Variants in PCBD2 observed in about 807,000 individuals in gnomAD.
PCBD2 encodes pterin-4 alpha-carbinolamine dehydratase 2.
A neutral mutation model predicts 16.4 loss-of-function variants in PCBD2; 12 were observed. The observed-to-expected ratio is 0.73, with a 90% CI of 0.47 to 1.19. The LOEUF (loss-of-function observed/expected upper bound fraction) is 1.19. Among genes scored for constraint, PCBD2 ranks in the 50% most tolerant of loss-of-function variants. PCBD2 has a pLI of 0.00. For synonymous variants in PCBD2, 58 were observed against 61.8 expected (o/e 0.94, Z 0.29); for missense variants, 138 against 156.8 (o/e 0.88, Z 0.64).
At chr5:134,919,494 T>A (rs2149531692) in intron 2 of PCBD2, among the ~76,000 whole-genome samples, 1 of 152,366 alleles carries the variant, frequency 6.6e-6, no homozygotes, top group South Asian at 2.1e-4. Flanking sequence ...ATTTCATTTA[T>A]GTAAATTGCT....
At position 134,962,107 on chromosome 5, in the gene PCBD2, T is replaced by TGTGTGTGTGTG. The variant is rs1561454491; in HGVS notation, c.*1426_*1427insGTGTGTGTGTG. Reference sequence around the variant, plus strand: ...GTGTGTGTGTGTGTGTGTGTGTGTGTTTGACACGGGGTCTCATTCTGTTGC... The same window carrying TGTGTGTGTGTG: ...GTGTGTGTGTGTGTGTGTGTGTGTGTGTGTGTGTGTGTTGACACGGGGTCTCATTCTGTTGC... On this transcript the variant is annotated 3_prime_UTR_variant, in exon 4 of 4. Transcript: ENST00000254908. Among the ~76,000 whole-genome samples the TGTGTGTGTGTG allele has an allele frequency of 4.0e-5, 6 of 150,418 alleles. No homozygotes were observed. Among genetic ancestry groups the TGTGTGTGTGTG allele is most frequent in the Admixed American group, 2.0e-4 (3 of 14,992 alleles).
Position 134,960,676 on chromosome 5 carries a change from G to A in PCBD2, c.388G>A (p.Val130Met). The A allele has an allele frequency of 6.2e-7, 1 of 1,607,922 alleles. No individual in the cohort carries two copies. Among genetic ancestry groups the A allele is most frequent in the South Asian group, 1.1e-5 (1 of 90,824 alleles). The change falls in exon 4 of 4, where the codon GTG becomes ATG. Residue 130 changes from valine (V) to methionine (M), a missense_variant. Coordinates refer to ENST00000254908, the MANE Select transcript of PCBD2 (RefSeq NM_032151.5). ...AKFIEKAAASV is the reference protein window; with the variant it reads ...AKFIEKAAASM Reference sequence around the variant, plus strand: ...GTTTATTGAAAAAGCAGCTGCTTCTGTGTGATTTCTTCCAAAATACATGTA... The same window carrying A: ...GTTTATTGAAAAAGCAGCTGCTTCTATGTGATTTCTTCCAAAATACATGTA...
At chr5:134,952,177 T>C (rs1289384514) in intron 2 of PCBD2, among the ~76,000 whole-genome samples, 1 of 151,898 alleles carries the variant, frequency 6.6e-6, no homozygotes, top group Non-Finnish European at 1.5e-5. Context: ...TTTTGTCTTA[T>C]TCTTGACTTT....
At position 134,907,689 on chromosome 5, in the gene PCBD2, C is replaced by G. The variant is rs1264801633; in HGVS notation, c.84+2466C>G. 3.5e-5 allele frequency among the ~76,000 whole-genome samples: 5 copies of G among 141,776 alleles called. No homozygotes were observed. The Admixed American group carries it at 3.6e-4, about 10-fold the overall frequency. 93.0% of individuals were successfully genotyped at this position (141,776 alleles called of 152,430 possible). A position where few individuals can be genotyped will look rare whatever the true frequency, so the allele number is the denominator to read the frequency against. On this transcript the variant is annotated intron_variant, in intron 1 of 3. Transcript: ENST00000254908. ...CCAGGCTGGAGTGCAGTGGCACGATCTCGGCTCACTGCAACCTCTATCATC... is the reference window on the plus strand; with the variant it reads ...CCAGGCTGGAGTGCAGTGGCACGATGTCGGCTCACTGCAACCTCTATCATC...
chr5:134,925,192 C>T (rs1356045593), intron 2 of PCBD2: 1 of 398,300 alleles, frequency 2.5e-6, no homozygotes, highest in Admixed American at 4.4e-5. Flanking sequence ...TATTCGAGTG[C>T]TATAGGCGCT....
intron 2 of PCBD2, among the ~76,000 whole-genome samples, chr5:134,955,348 G>A (rs1001154725): frequency 1.7e-4 from 23 of 137,872 alleles, no homozygotes; most frequent in East Asian, 2.2e-4. Flanking sequence ...TTGCTCTGTC[G>A]TCAGGCTGGA....
intron 2 of PCBD2, chr5:134,924,682 A>T: frequency 2.5e-6 from 1 of 396,502 alleles, no homozygotes; most frequent in Non-Finnish European, 4.5e-6. Context: ...GATGAGTGGG[A>T]AGAAGAAAGA....
At chr5:134,947,755 A>G (rs539671834) in intron 2 of PCBD2, among the ~76,000 whole-genome samples, 1 of 152,158 alleles carries the variant, frequency 6.6e-6, no homozygotes, top group East Asian at 1.9e-4. Context: ...CGGAAGCACA[A>G]AGTTGAAGCC....
At chr5:134,907,828 T>A (rs1750715652) in intron 1 of PCBD2, among the ~76,000 whole-genome samples, 1 of 151,798 alleles carries the variant, frequency 6.6e-6, no homozygotes, top group Non-Finnish European at 1.5e-5. Context: ...TTCACCATCT[T>A]GGCCAGGCTG....
intron 2 of PCBD2, chr5:134,923,734 AGCCGTAATATAG>A (rs1174873914): frequency 2.6e-6 from 1 of 390,418 alleles, no homozygotes; most frequent in African/African-American, 2.1e-5. Context: ...TAAAGAAATG[AGCCGTAATATAG>A]GCCTCGGCCG....
intron 3 of PCBD2, among the ~76,000 whole-genome samples, chr5:134,959,617 A>G (rs1426884241): frequency 6.6e-6 from 1 of 152,192 alleles, no homozygotes; most frequent in Non-Finnish European, 1.5e-5. Flanking sequence ...GTTCCTCCCA[A>G]AGTGTCCTTG....
chr5:134,911,195 T>C (rs1290761114), intron 2 of PCBD2, among the ~76,000 whole-genome samples: 4 of 152,246 alleles, frequency 2.6e-5, no homozygotes, highest in Non-Finnish European at 5.9e-5. Flanking sequence ...GTAATTTTTC[T>C]TTCTTCCTGC....
chr5:134,959,639 A>G (rs1180062354), intron 3 of PCBD2, among the ~76,000 whole-genome samples: 1 of 152,212 alleles, frequency 6.6e-6, no homozygotes, highest in East Asian at 1.9e-4. Context: ...CTTTATGGTC[A>G]TGCCATTTGA....
At chr5:134,935,843 C>T (rs537460627) in intron 2 of PCBD2, among the ~76,000 whole-genome samples, 2 of 152,324 alleles carry the variant, frequency 1.3e-5, no homozygotes, top group South Asian at 2.1e-4. Flanking sequence ...AGTGTTGGCG[C>T]CGAGGCTAGG....
At chr5:134,918,177 G>A (rs1199007492) in intron 2 of PCBD2, among the ~76,000 whole-genome samples, 1 of 152,158 alleles carries the variant, frequency 6.6e-6, no homozygotes, top group Non-Finnish European at 1.5e-5. Context: ...TCCCAAAGAG[G>A]ATGCCTGTGG....
At chr5:134,921,049 G>T (rs9327695) in intron 2 of PCBD2, among the ~76,000 whole-genome samples, 84,415 of 152,130 alleles carry the variant, frequency 0.55, 23,641 homozygotes, top group East Asian at 0.77. Flanking sequence ...GCACCAGGTG[G>T]GTGGAGCAGC....
chr5:134,926,385 G>T (rs1452627694), intron 2 of PCBD2: 11 of 383,976 alleles, frequency 2.9e-5, no homozygotes. Context: ...TTTTATTAGG[G>T]TTAATGAGGG....
At chr5:134,905,274 C>CGAGGCCCGGCGGCGT in intron 1 of PCBD2, 51 bp downstream of exon 1, 2 of 1,212,438 alleles carry the variant, frequency 1.6e-6, no homozygotes, top group Non-Finnish European at 2.1e-6. Flanking sequence ...GGGGGCGGTG[C>CGAGGCCCGGCGGCGT]GAGGCCCGGC....
chr5:134,924,612 G>A, intron 2 of PCBD2: 1 of 397,952 alleles, frequency 2.5e-6, no homozygotes, highest in Non-Finnish European at 4.4e-6. Flanking sequence ...GTTTGTTGGT[G>A]TGTATATTGT....
Sources: gnomAD v4.1 joint callset for allele counts (sites outside exome capture counted in the v4.1 genomes callset) on GRCh38, gnomAD v4.1.1 for gene constraint, MANE v1.5 for transcripts, NCBI Gene and HGNC (gene_info 2026-07-23, HGNC 2026-07-21) for gene names.